Variants in DNAH6 observed in about 807,000 individuals in gnomAD.
DNAH6 encodes the protein dynein axonemal heavy chain 6, also known as axonemal beta dynein heavy chain 6.
A neutral mutation model predicts 491.4 loss-of-function variants in DNAH6; 340 were observed. That is an observed-to-expected ratio of 0.69 (90% CI 0.63 to 0.76). The LOEUF (loss-of-function observed/expected upper bound fraction) is 0.76. Ranked by LOEUF, DNAH6 falls within the 30% of genes least tolerant of loss-of-function variation. The pLI is 0.00. For synonymous variants in DNAH6, 1,603 were observed against 1,686.1 expected, an observed-to-expected ratio of 0.95 and a Z score of 1.21; for missense variants, 4,443 against 4,972.2, an observed-to-expected ratio of 0.89 and a Z score of 3.20.
chr2:84,639,026 G>A (rs1296686719), intron 31 of DNAH6, among the ~76,000 whole-genome samples: 1 of 152,096 alleles, frequency 6.6e-6, no homozygotes, highest in Non-Finnish European at 1.5e-5. Context: ...CCTCCCATCA[G>A]CCCCCACCTT....
intron 11 of DNAH6, among the ~76,000 whole-genome samples, chr2:84,562,725 A>C (rs557560026): frequency 6.6e-6 from 1 of 152,330 alleles, no homozygotes; most frequent in South Asian, 2.1e-4. Context: ...TTGGAGTCAC[A>C]CGGGAGGCAC....
chr2:84,797,505 G>A (rs1446323143), intron 69 of DNAH6, 32 bp from the exon 70 acceptor site: 1 of 1,543,384 alleles, frequency 6.5e-7, no homozygotes, highest in Non-Finnish European at 8.8e-7. Context: ...GTCTATTTGA[G>A]ACATATTTGT....
chr2:84,550,361 CCTAT>C (rs1367157204), intron 9 of DNAH6, among the ~76,000 whole-genome samples: 1 of 152,026 alleles, frequency 6.6e-6, no homozygotes, highest in Non-Finnish European at 1.5e-5. Context: ...GGTTTGGGCT[CCTAT>C]GAGAATCTAA....
the DNAH6 span, among the ~76,000 whole-genome samples, chr2:84,484,303 T>C: frequency 6.6e-6 from 1 of 152,166 alleles, no homozygotes; most frequent in Non-Finnish European, 1.5e-5. Flanking sequence ...AGAGTCTCCT[T>C]ATACTTATTT....
At chr2:84,759,224 C>A (rs1178731839) in intron 63 of DNAH6, among the ~76,000 whole-genome samples, 1 of 151,524 alleles carries the variant, frequency 6.6e-6, no homozygotes, top group African/African-American at 2.4e-5. Context: ...AAAAAAATAC[C>A]TGGCTGGGCG....
At chr2:84,749,377 T>G (rs1673253796) in intron 63 of DNAH6, among the ~76,000 whole-genome samples, 1 of 152,186 alleles carries the variant, frequency 6.6e-6, no homozygotes, top group Non-Finnish European at 1.5e-5. Flanking sequence ...TGAGAAATGA[T>G]GTAGTTAGAC....
At chr2:84,665,818 A>G (rs1040359160) in intron 37 of DNAH6, among the ~76,000 whole-genome samples, 2 of 152,192 alleles carry the variant, frequency 1.3e-5, no homozygotes, top group Non-Finnish European at 2.9e-5. Flanking sequence ...TTTTAGACCA[A>G]TATCCCTGAT....
At chr2:84,696,566 A>G (rs1695411195) in intron 46 of DNAH6, among the ~76,000 whole-genome samples, 1 of 152,022 alleles carries the variant, frequency 6.6e-6, no homozygotes, top group Non-Finnish European at 1.5e-5. Context: ...AACAAGATAA[A>G]GCAAAAATAA....
chr2:84,679,276 A>G (rs1693546251), intron 41 of DNAH6, among the ~76,000 whole-genome samples: 1 of 152,176 alleles, frequency 6.6e-6, no homozygotes, highest in Non-Finnish European at 1.5e-5. Context: ...TAAATAGTGC[A>G]TATATGCAGG....
chr2:84,671,765 G>T (rs956585527), intron 39 of DNAH6, among the ~76,000 whole-genome samples: 2 of 152,078 alleles, frequency 1.3e-5, no homozygotes, highest in Non-Finnish European at 2.9e-5. Context: ...TTGCCCATCG[G>T]GTTTCTCTTT....
intron 64 of DNAH6, among the ~76,000 whole-genome samples, chr2:84,778,580 G>A (rs1676377803): frequency 6.6e-6 from 1 of 151,544 alleles, no homozygotes; most frequent in South Asian, 2.1e-4. Flanking sequence ...GCTCACTGCA[G>A]CCTCAACCTC....
chr2:84,726,204 G>A (rs539526891), intron 60 of DNAH6, among the ~76,000 whole-genome samples: 1 of 152,248 alleles, frequency 6.6e-6, no homozygotes, highest in East Asian at 1.9e-4. Flanking sequence ...GTCCTTAGTG[G>A]GCTTCTAGCT....
At chr2:84,471,922 G>A in the DNAH6 span, among the ~76,000 whole-genome samples, 1 of 152,122 alleles carries the variant, frequency 6.6e-6, no homozygotes, top group African/African-American at 2.4e-5. Flanking sequence ...TGTGGCTCAT[G>A]ATAGATCTTC....
At chr2:84,813,403 A>C (rs1235894292) in intron 74 of DNAH6, among the ~76,000 whole-genome samples, 4 of 152,186 alleles carry the variant, frequency 2.6e-5, no homozygotes, top group African/African-American at 9.7e-5. Flanking sequence ...AATGTGCCTC[A>C]GTTCCCCATA....
At chr2:84,571,426 T>A (rs1206240972) in intron 11 of DNAH6, among the ~76,000 whole-genome samples, 1 of 152,196 alleles carries the variant, frequency 6.6e-6, no homozygotes, top group East Asian at 1.9e-4. Flanking sequence ...TTACCAGTAA[T>A]GAGACAACAA....
Position 84,584,137 on chromosome 2 carries a change from A to ATT in DNAH6, c.2369_2370dup (p.Asp791LeufsTer26). The ATT allele has an allele frequency of 6.2e-7, 1 of 1,614,190 alleles. No individual in the cohort carries two copies. The highest frequency in any genetic ancestry group is 8.5e-7 in the Non-Finnish European group (1 of 1,180,026). On this transcript the variant is annotated frameshift_variant, in exon 15 of 77. Coordinates refer to ENST00000389394, the MANE Select transcript of DNAH6 (RefSeq NM_001370.2). LOFTEE classifies it high-confidence loss of function. ...ATCCATTGTTGCTGTTCGGAATGCC[A>ATT]TTGATAAATCAGTGGGTGATAGAGA...
the DNAH6 span, among the ~76,000 whole-genome samples, chr2:84,500,105 C>T: frequency 4.6e-5 from 7 of 152,108 alleles, no homozygotes; most frequent in Admixed American, 3.3e-4. Flanking sequence ...ATGTTTTTTC[C>T]GAGACCAATG....
rs1687672769 is a variant in DNAH6 at position 84,624,471 on chromosome 2, A to G, written c.4204A>G (p.Thr1402Ala). ...VTELVQSKVE[T>A]VESFDWQRQL... The stretch of plus-strand genomic sequence containing the variant: ...ATATGTATATCACATATAGGTGGAG[A>G]CAGTTGAATCTTTTGACTGGCAGAG... Residue 1402 changes from threonine to alanine, a missense_variant, in exon 28 of 77, where the codon ACA (threonine) becomes GCA (alanine). Physicochemically the swap from Thr to Ala is moderately conservative, Grantham distance 58 (BLOSUM62 0). This residue lies in a region of DNAH6 where 2,977 missense variants were observed against 3,296.6 expected (regional missense o/e 0.90). Coordinates refer to ENST00000389394, the MANE Select transcript of DNAH6 (RefSeq NM_001370.2). 1.3e-6 allele frequency: 2 copies of G among 1,551,748 alleles called. No individual in the cohort carries two copies. The highest frequency in any genetic ancestry group is 1.7e-6 in the Non-Finnish European group (2 of 1,146,958).
chr2:84,812,340 G>T lies in DNAH6; in HGVS notation c.11740-1G>T. ...CACCAACCCCTTTTTTGTTCTTTCA[G>T]ACTTCTCTGGAAACACTCAACAAAG... On this transcript the variant is annotated splice_acceptor_variant, in intron 72 of 76. Coordinates refer to ENST00000389394, the MANE Select transcript of DNAH6 (RefSeq NM_001370.2). LOFTEE classifies it high-confidence loss of function. 1.3e-6 allele frequency: 2 copies of T among 1,550,324 alleles called. No homozygotes were observed. The highest frequency in any genetic ancestry group is 2.0e-5 in the Admixed American group (1 of 50,698).
Sources: allele counts gnomAD v4.1 joint callset (sites outside exome capture counted in the v4.1 genomes callset), GRCh38; gene constraint gnomAD v4.1.1; regional missense constraint gnomAD v4.1.1; transcripts MANE v1.5; gene names NCBI Gene and HGNC (gene_info 2026-07-23, HGNC 2026-07-21).